Variants in PHF20 observed in about 807,000 individuals in gnomAD.
PHF20 encodes PHD finger protein 20.
A neutral mutation model predicts 113.5 loss-of-function variants in PHF20; 23 were observed. That is an observed-to-expected ratio of 0.20 (90% CI 0.15 to 0.29). The LOEUF (loss-of-function observed/expected upper bound fraction) is 0.29, where lower values mean the gene tolerates loss of function less well. Ranked by LOEUF, PHF20 falls within the 10% of genes least tolerant of loss-of-function variation. PHF20 has a pLI of 1.00. For synonymous variants in PHF20, 434 were observed against 457.3 expected, an observed-to-expected ratio of 0.95 and a Z score of 0.65; for missense variants, 943 against 1,219.6, an observed-to-expected ratio of 0.77 and a Z score of 3.38.
chr20:35,805,126 ACTC>A (rs1167170151), intron 2 of PHF20, among the ~76,000 whole-genome samples: 2 of 149,700 alleles, frequency 1.3e-5, no homozygotes, highest in African/African-American at 2.5e-5. Context: ...CTGGTCTTGA[ACTC>A]CTGGCCTCAG....
At chr20:35,909,615 A>T (rs570384389) in intron 10 of PHF20, among the ~76,000 whole-genome samples, 4 of 152,292 alleles carry the variant, frequency 2.6e-5, no homozygotes, top group African/African-American at 9.6e-5. Context: ...TTTAAAAATG[A>T]GTGCTTTTAC....
chr20:35,790,129 T>C lies in PHF20; in HGVS notation c.-32-11362T>C, dbSNP rs2041513866. Among the ~76,000 whole-genome samples, 3 of 151,918 alleles carry C rather than the reference T, an allele frequency of 2.0e-5. No homozygotes were observed. The South Asian group carries it at 6.2e-4, about 32-fold the overall frequency. On this transcript the variant is annotated intron_variant, in intron 1 of 17. Transcript: ENST00000374012. Reference sequence around the variant, plus strand: ...GCCTCTGCCTCCTAAAATGCTAGAATTACATGCATGAGCCACCATGCCCAG... The same window carrying C: ...GCCTCTGCCTCCTAAAATGCTAGAACTACATGCATGAGCCACCATGCCCAG...
chr20:35,817,247 C>T lies in PHF20; in HGVS notation c.83+15642C>T, dbSNP rs541824055. On this transcript the variant is annotated intron_variant, in intron 2 of 17. Transcript: ENST00000374012. Reference sequence around the variant, plus strand: ...TGTCACCCAGGCTGGAGTGCAATGGCGTGATCTCAGCTCACTGCAATCTCC... The same window carrying T: ...TGTCACCCAGGCTGGAGTGCAATGGTGTGATCTCAGCTCACTGCAATCTCC... Among the ~76,000 whole-genome samples the T allele has an allele frequency of 3.3e-5, 5 of 150,908 alleles. No homozygotes were observed. The East Asian group carries it at 1.0e-3, about 30-fold the overall frequency.
intron 9 of PHF20, among the ~76,000 whole-genome samples, chr20:35,879,436 T>A (rs1381867825): frequency 6.6e-6 from 1 of 152,212 alleles, no homozygotes; most frequent in Non-Finnish European, 1.5e-5. Flanking sequence ...TAGAAATATG[T>A]ATTTTAAGCA....
chr20:35,927,947 C>A, intron 14 of PHF20, 68 bp downstream of exon 14: 1 of 1,077,438 alleles, frequency 9.3e-7, no homozygotes, highest in Non-Finnish European at 1.4e-6. Flanking sequence ...GGCTGTGACA[C>A]ATTCTAAATG....
At chr20:35,780,216 G>A (rs933483014) in intron 1 of PHF20, among the ~76,000 whole-genome samples, 98 of 145,692 alleles carry the variant, frequency 6.7e-4, no homozygotes, top group Non-Finnish European at 1.2e-3. Flanking sequence ...CCTCACCCCA[G>A]ATTTCTTTTT....
At chr20:35,820,995 G>T (rs896857392) in intron 2 of PHF20, among the ~76,000 whole-genome samples, 7 of 152,050 alleles carry the variant, frequency 4.6e-5, no homozygotes, top group African/African-American at 1.7e-4. Flanking sequence ...ATGTGGCTGG[G>T]AGGGTAGAGA....
At position 35,899,433 on chromosome 20, in the gene PHF20, A is replaced by C. The variant is rs746361852; in HGVS notation, c.1346A>C (p.Asp449Ala). 1 of 1,614,142 alleles carries C rather than the reference A, an allele frequency of 6.2e-7. No individual in the cohort carries two copies. The highest frequency in any genetic ancestry group is 8.5e-7 in the Non-Finnish European group (1 of 1,179,958). Residue 449 changes from aspartate (D) to alanine (A), a missense_variant, in exon 10 of 18, where the codon GAC (aspartate) becomes GCC (alanine). Physicochemically the swap from Asp to Ala is moderately radical, Grantham distance 126. Around this residue, in one of 3 missense-constraint regions of PHF20, gnomAD observed 592 missense variants for 787.2 expected, o/e 0.75. Coordinates refer to ENST00000374012, the MANE Select transcript of PHF20 (RefSeq NM_016436.5). ...TCTAATGCACCAGCTGTCGACCTAG[A>C]CCATAAGTTTAGATGCAAAGTTGTG... ...GSSNAPAVDL[D>A]HKFRCKVVDC...
At chr20:35,899,683 G>A (rs2055058824) in intron 10 of PHF20, 35 bp downstream of exon 10, 4 of 1,601,180 alleles carry the variant, frequency 2.5e-6, no homozygotes, top group Non-Finnish European at 3.4e-6. Context: ...GTCATGGATG[G>A]CTCAGTTGCT....
At chr20:35,818,746 AGGC>A (rs2042118298) in intron 2 of PHF20, among the ~76,000 whole-genome samples, 1 of 152,078 alleles carries the variant, frequency 6.6e-6, no homozygotes, top group African/African-American at 2.4e-5. Context: ...TGTGTTGCTT[AGGC>A]TGGTCTCAAA....
chr20:35,941,143 C>A, intron 17 of PHF20, 96 bp downstream of exon 17: 3 of 900,244 alleles, frequency 3.3e-6, no homozygotes, highest in East Asian at 2.7e-5. Context: ...TTTACAGGGA[C>A]CGCTGTACTC....
chr20:35,914,003 A>G (rs370812811), intron 11 of PHF20, 30 bp from the exon 12 acceptor site: 178 of 1,609,874 alleles, frequency 1.1e-4, no homozygotes, highest in Non-Finnish European at 1.5e-4. Flanking sequence ...AACTAGGGTT[A>G]TTCATTCCTT....
chr20:35,910,615 TGTG>T (rs1437697355), intron 10 of PHF20, among the ~76,000 whole-genome samples: 1 of 151,718 alleles, frequency 6.6e-6, no homozygotes, highest in African/African-American at 2.4e-5. Context: ...TACTGTTACT[TGTG>T]GTGTGTTTTC....
intron 12 of PHF20, 57 bp downstream of exon 12, chr20:35,914,254 A>T: frequency 1.3e-6 from 2 of 1,543,918 alleles, no homozygotes; most frequent in African/African-American, 1.4e-5. Flanking sequence ...AAATACAAGC[A>T]TACCTGGGAG....
intron 2 of PHF20, among the ~76,000 whole-genome samples, chr20:35,803,134 C>G (rs988216046): frequency 6.6e-6 from 1 of 150,592 alleles, no homozygotes; most frequent in African/African-American, 2.4e-5. Flanking sequence ...CGCATGTAGT[C>G]CTAGCTACTC....
intron 9 of PHF20, among the ~76,000 whole-genome samples, chr20:35,882,079 A>G (rs993405352): frequency 2.0e-5 from 3 of 152,260 alleles, no homozygotes; most frequent in African/African-American, 7.2e-5. Flanking sequence ...GCAAAGGTAA[A>G]TGAACACTTT....
At chr20:35,892,419 G>A (rs915102972) in intron 9 of PHF20, among the ~76,000 whole-genome samples, 2 of 150,862 alleles carry the variant, frequency 1.3e-5, no homozygotes, top group Non-Finnish European at 3.0e-5. Flanking sequence ...ATGCTGCTCA[G>A]GCAGGTCTCG....
chr20:35,849,581 G>A (rs532129031), intron 4 of PHF20: 2 of 460,168 alleles, frequency 4.3e-6, no homozygotes, highest in South Asian at 3.2e-5. Flanking sequence ...TTGGATTAGA[G>A]CTGATGGTCA....
In PHF20 at chr20:35,948,573, G is replaced by C. The variant is rs765667389; in HGVS notation, c.*946G>C. On this transcript the variant is annotated 3_prime_UTR_variant, in exon 18 of 18. Coordinates refer to ENST00000374012, the MANE Select transcript of PHF20 (RefSeq NM_016436.5). ...TTTTCTCCTTCCTGAAGGGTGTTTA[G>C]TAGTCAGCGTTTTCAGAATTGTTTT... 4 of 152,600 alleles carry C rather than the reference G, an allele frequency of 2.6e-5. No homozygotes were observed. Among genetic ancestry groups the C allele is most frequent in the Non-Finnish European group, 4.4e-5 (3 of 68,044 alleles). The allele number at this position is 152,600 out of a possible 1,614,324, so 9.5% of individuals were successfully genotyped here.
Sources: gnomAD v4.1 joint callset for allele counts (sites outside exome capture counted in the v4.1 genomes callset) on GRCh38, gnomAD v4.1.1 for gene constraint, gnomAD v4.1.1 regional missense constraint, MANE v1.5 for transcripts, NCBI Gene and HGNC (gene_info 2026-07-23, HGNC 2026-07-21) for gene names.